NLRP7: variants seen among roughly 807,000 people sequenced by gnomAD.
The protein encoded by NLRP7 is NACHT, LRR and PYD domains-containing protein 7.
NLRP7 carries 72 observed loss-of-function variants against 85.5 expected under a neutral mutation model. The ratio of observed to expected loss-of-function variants is 0.84; its 90% CI spans 0.70 to 1.02. The LOEUF (loss-of-function observed/expected upper bound fraction) is 1.02. Among genes scored for constraint, NLRP7 ranks in the 50% least tolerant of loss-of-function variants. The probability of loss-of-function intolerance (pLI) is 0.00; values close to 1 mark genes in which losing one functional copy is unlikely to be tolerated. For missense variants in NLRP7, 1,243 were observed against 1,219.5 expected (o/e 1.02, Z -0.29); for synonymous variants, 550 against 505.2 (o/e 1.09, Z -1.19).
chr19:54,938,705 G>A (rs954768072), intron 4 of NLRP7, among the ~76,000 whole-genome samples, 183 bp downstream of exon 4: 1 of 152,206 alleles, frequency 6.6e-6, no homozygotes, highest in Non-Finnish European at 1.5e-5. Flanking sequence ...CAGCCTGGGG[G>A]ACAGAGCGAG....
chr19:54,938,317 A>G (rs909070950), intron 4 of NLRP7, 76 bp from the exon 5 acceptor site: 40 of 1,234,034 alleles, frequency 3.2e-5, no homozygotes, highest in Non-Finnish European at 4.8e-5. Flanking sequence ...CCACATTTCA[A>G]TGGCAAAAAC....
At chr19:54,958,557 A>G (rs1167724323) in intron 1 of NLRP7, among the ~76,000 whole-genome samples, 1 of 152,114 alleles carries the variant, frequency 6.6e-6, no homozygotes, top group Non-Finnish European at 1.5e-5. Flanking sequence ...AGGCAGGAGA[A>G]TCGCTTGAAC....
intron 8 of NLRP7, among the ~76,000 whole-genome samples, chr19:54,931,984 G>A (rs1395558380): frequency 6.6e-6 from 1 of 152,126 alleles, no homozygotes; most frequent in Non-Finnish European, 1.5e-5. Flanking sequence ...TGCGTGGTTA[G>A]ATTATGGAAA....
At chr19:54,933,640 G>A in exon 8 of NLRP7, 4 of 1,614,152 alleles carry the variant, frequency 2.5e-6, no homozygotes, top group Non-Finnish European at 3.4e-6. Flanking sequence ...TATCCCCAAT[G>A]GGGTTCTTGG....
At chr19:54,951,876 G>A (rs550783249), upstream of NLRP7, among the ~76,000 whole-genome samples, 69 of 151,836 alleles carry the variant, frequency 4.5e-4, no homozygotes, top group South Asian at 2.1e-4. Flanking sequence ...TCAGCCTCCC[G>A]AATAGCTGGG....
chr19:54,956,985 C>T (rs703476), intron 1 of NLRP7, among the ~76,000 whole-genome samples: 72 of 150,140 alleles, frequency 4.8e-4, no homozygotes, highest in African/African-American at 1.6e-3. Context: ...CAAGTCTCTA[C>T]GCCTTTTCAT....
intron 1 of NLRP7, among the ~76,000 whole-genome samples, chr19:54,957,807 G>C (rs960197379): frequency 1.3e-5 from 2 of 152,156 alleles, no homozygotes; most frequent in Non-Finnish European, 2.9e-5. Flanking sequence ...CCCATCCAAA[G>C]AACCTAGGAG....
chr19:54,960,837 C>T (rs959084554), intron 1 of NLRP7, among the ~76,000 whole-genome samples: 6 of 151,914 alleles, frequency 3.9e-5, no homozygotes, highest in African/African-American at 7.2e-5. Context: ...CCTCGTGATC[C>T]GCTTGCCTCG....
intron 8 of NLRP7, among the ~76,000 whole-genome samples, chr19:54,930,884 T>G (rs543257836): frequency 6.6e-6 from 1 of 151,886 alleles, no homozygotes; most frequent in East Asian, 2.0e-4. Flanking sequence ...ATAACCAGAC[T>G]TGGTGGTGCA....
intron 5 of NLRP7, 36 bp from the exon 6 acceptor site, chr19:54,936,467 T>C: frequency 1.9e-6 from 3 of 1,551,312 alleles, no homozygotes; most frequent in Admixed American, 1.7e-5. Flanking sequence ...CTTGGAGTGA[T>C]TAATACTCAC....
chr19:54,944,497 G>C (rs1441182335), intron 1 of NLRP7, among the ~76,000 whole-genome samples: 1 of 152,014 alleles, frequency 6.6e-6, no homozygotes, highest in Non-Finnish European at 1.5e-5. Flanking sequence ...AGATGGTAGA[G>C]ATAATGACCA....
At chr19:54,961,921 G>A (rs2070055673) in intron 1 of NLRP7, among the ~76,000 whole-genome samples, 1 of 151,718 alleles carries the variant, frequency 6.6e-6, no homozygotes, top group African/African-American at 2.4e-5. Context: ...AACTTTGGGA[G>A]GCTGAGGCGG....
chr19:54,951,741 G>A (rs1387207464), upstream of NLRP7, among the ~76,000 whole-genome samples: 1 of 151,890 alleles, frequency 6.6e-6, no homozygotes, highest in Admixed American at 6.6e-5. Flanking sequence ...TGACAGCAGG[G>A]TCATTAGACG....
intron 1 of NLRP7, among the ~76,000 whole-genome samples, chr19:54,946,143 C>T (rs2069462268): frequency 6.7e-6 from 1 of 148,992 alleles, no homozygotes; most frequent in African/African-American, 2.5e-5. Context: ...CTGACCTCAG[C>T]TGATCCACCC....
rs61744426 is a variant in NLRP7, at chr19:54,934,635, C to T, written c.2325G>A (p.Pro775=). Residue 775 remains proline (P), a synonymous_variant, in exon 7 of 10, where the codon CCG becomes CCA. Transcript: ENST00000340844. The surrounding 1 kb of genome is among the most constrained non-coding windows in gnomAD (Gnocchi z 6.7). ...CATAGAAGAATTCAGCCCACTGCTC[C>T]GGGGTGGCACAGTGACCTCCCAACC... 5,044 of 1,613,622 alleles carry T rather than the reference C, an allele frequency of 3.1e-3. 153 individuals are homozygous for T. In the African/African-American group the frequency reaches 0.057, roughly 18 times the overall value.
chr19:54,941,821 A>G, intron 1 of NLRP7, 71 bp from the exon 2 acceptor site: 3 of 1,165,586 alleles, frequency 2.6e-6, no homozygotes, highest in Non-Finnish European at 3.6e-6. Context: ...CCTGTGTGCC[A>G]AGAACAAGAC....
At chr19:54,962,748 C>T (rs1290260010) in intron 1 of NLRP7, among the ~76,000 whole-genome samples, 21 of 148,382 alleles carry the variant, frequency 1.4e-4, no homozygotes, top group South Asian at 6.5e-4. Flanking sequence ...TACAGGCGCC[C>T]GCCACCACGC....
At chr19:54,929,621 G>A (rs984226077) in intron 9 of NLRP7, among the ~76,000 whole-genome samples, 4 of 152,108 alleles carry the variant, frequency 2.6e-5, no homozygotes, top group Non-Finnish European at 5.9e-5. Context: ...AGGTGGGGCA[G>A]GCTCACTGCT....
At chr19:54,926,261 CTG>C (rs770827417) in intron 9 of NLRP7, among the ~76,000 whole-genome samples, 90 of 151,748 alleles carry the variant, frequency 5.9e-4, no homozygotes, top group Non-Finnish European at 1.0e-3. Context: ...AGCTTCCAGT[CTG>C]TACTCCAGGA....
Sources: allele counts gnomAD v4.1 joint callset (sites outside exome capture counted in the v4.1 genomes callset), GRCh38; gene constraint gnomAD v4.1.1; non-coding constraint Gnocchi (gnomAD v3.1); transcripts MANE v1.5; gene names NCBI Gene and HGNC (gene_info 2026-07-23, HGNC 2026-07-21).